The following BSCL2 variants were observed in gnomAD, a reference collection of about 807,000 sequenced individuals.
The protein encoded by BSCL2 is seipin.
Under a neutral mutation model 57.4 loss-of-function variants are expected in BSCL2, and 41 were observed. That is an observed-to-expected ratio of 0.71 (90% confidence interval 0.56 to 0.93). The LOEUF (loss-of-function observed/expected upper bound fraction) is 0.93. BSCL2 is among the 40% of genes least tolerant of loss of function. BSCL2 has a pLI of 0.00. For synonymous variants in BSCL2, 237 were observed against 227.3 expected, an observed-to-expected ratio of 1.04 and a Z score of -0.38; for missense variants, 539 against 586.7, an observed-to-expected ratio of 0.92 and a Z score of 0.84.
In BSCL2 at chr11:62,702,783, A is replaced by G. The variant is rs556451328; in HGVS notation, c.405-234T>C. Among the ~76,000 whole-genome samples the G allele has an allele frequency of 8.5e-5, 13 of 152,252 alleles. No individual in the cohort carries two copies. In the East Asian group the frequency reaches 2.5e-3, roughly 29 times the overall value. On this transcript the variant is annotated intron_variant, in intron 2 of 10. Coordinates refer to ENST00000360796, the MANE Select transcript of BSCL2 (RefSeq NM_001122955.4). Reference sequence around the variant, plus strand: ...TCCTCTCATTACAACAGATGTTCTTAGATGGGAATCTAGAGATACTTAAAT... The same window carrying G: ...TCCTCTCATTACAACAGATGTTCTTGGATGGGAATCTAGAGATACTTAAAT...
In BSCL2 at chr11:62,703,415, G is replaced by C. The variant is rs868258351; in HGVS notation, c.405-866C>G. Among the ~76,000 whole-genome samples the C allele has an allele frequency of 2.2e-5, 3 of 136,602 alleles. No homozygotes were observed. In the Admixed American group the frequency reaches 2.5e-4, roughly 11 times the overall value. 89.6% of individuals were successfully genotyped at this position (136,602 alleles called of 152,430 possible). On this transcript the variant is annotated intron_variant, in intron 2 of 10. Transcript: ENST00000360796. ...CGCCCAGGCTGGAGTGCAGTGGCACGATCTCGGCTCACTGCAAGCTCCGCT... is the reference window on the plus strand; with the variant it reads ...CGCCCAGGCTGGAGTGCAGTGGCACCATCTCGGCTCACTGCAAGCTCCGCT...
intron 1 of BSCL2, chr11:62,706,727 TCG>T: frequency 8.0e-6 from 4 of 499,244 alleles, no homozygotes; most frequent in South Asian, 6.2e-5. Flanking sequence ...GCGGGGGCAT[TCG>T]CCTAGAGCAT....
intron 3 of BSCL2, among the ~76,000 whole-genome samples, chr11:62,701,166 G>GGGTAGAT (rs1945626626): frequency 6.6e-6 from 1 of 152,066 alleles, no homozygotes; most frequent in African/African-American, 2.4e-5. Context: ...CAAAACTCTT[G>GGGTAGAT]GGTAGATGCC....
upstream of BSCL2, chr11:62,708,159 T>G (rs928276440): frequency 2.4e-4 from 167 of 695,430 alleles, 2 homozygotes; most frequent in Admixed American, 1.9e-4. Context: ...GACAGTCCAC[T>G]GGAGGAGGAG....
At chr11:62,700,032 T>C (rs1488013904) in intron 3 of BSCL2, among the ~76,000 whole-genome samples, 2 of 143,310 alleles carry the variant, frequency 1.4e-5, no homozygotes, top group African/African-American at 5.3e-5. Context: ...TTGAGCCTAG[T>C]AGTTTGAGAC....
At chr11:62,694,744 ATTT>A in intron 3 of BSCL2, 33 bp from the exon 4 acceptor site, 1 of 1,608,688 alleles carries the variant, frequency 6.2e-7, no homozygotes, top group Non-Finnish European at 8.5e-7. Flanking sequence ...CTTTAAAAAA[ATTT>A]TTTTGTTGAA....
chr11:62,709,023 G>A (rs2083588890), upstream of BSCL2: 3 of 546,092 alleles, frequency 5.5e-6, no homozygotes, highest in Non-Finnish European at 6.7e-6. Flanking sequence ...AGAGATATGA[G>A]GCACCCTTTG....
intron 3 of BSCL2, among the ~76,000 whole-genome samples, chr11:62,700,810 G>A (rs1466233550): frequency 6.6e-6 from 1 of 151,994 alleles, no homozygotes; most frequent in Admixed American, 6.6e-5. Context: ...AAAGTTAGCC[G>A]GGTGTGGTGG....
At chr11:62,691,199 C>T in intron 7 of BSCL2, 58 bp from the exon 8 acceptor site, 1 of 1,613,756 alleles carries the variant, frequency 6.2e-7, no homozygotes, top group Non-Finnish European at 8.5e-7. Context: ...ACAATCAGGA[C>T]CCTCATGCCT....
chr11:62,694,819 C>T, intron 3 of BSCL2, 108 bp from the exon 4 acceptor site: 1 of 1,351,662 alleles, frequency 7.4e-7, no homozygotes, highest in Non-Finnish European at 1.0e-6. Context: ...TACTCAGCCA[C>T]AACCCTCTTG....
intron 3 of BSCL2, among the ~76,000 whole-genome samples, chr11:62,699,598 T>TGGAA (rs1245590759): frequency 6.6e-6 from 1 of 151,748 alleles, no homozygotes; most frequent in East Asian, 1.9e-4. Flanking sequence ...CCCAGCAGTT[T>TGGAA]GGAAGGACCA....
intron 1 of BSCL2, 172 bp from the exon 2 acceptor site, chr11:62,705,789 C>G: frequency 1.5e-6 from 1 of 671,750 alleles, no homozygotes; most frequent in South Asian, 2.1e-5. Context: ...TACCCCTTCC[C>G]TTTCCTCCAC....
At chr11:62,698,613 C>T (rs1338719021) in intron 3 of BSCL2, among the ~76,000 whole-genome samples, 1 of 152,200 alleles carries the variant, frequency 6.6e-6, no homozygotes, top group Non-Finnish European at 1.5e-5. Flanking sequence ...TATAGCAAGC[C>T]GTTACACATA....
intron 7 of BSCL2, 53 bp from the exon 8 acceptor site, chr11:62,691,194 C>T (rs1565143392): frequency 6.2e-7 from 1 of 1,613,798 alleles, no homozygotes; most frequent in Non-Finnish European, 8.5e-7. Flanking sequence ...CACTAACAAT[C>T]AGGACCCTCA....
chr11:62,707,337 C>CG lies in BSCL2; in HGVS notation c.-143dup. ...AAATGGAGGGTCCCTGGGAGAGAAA[C>CG]GAAGATTCAGGTGCTAAGTGCTGTG... is the stretch of plus-strand genomic sequence containing the variant. On this transcript the variant is annotated 5_prime_UTR_variant, in exon 1 of 11. Coordinates refer to ENST00000360796, the MANE Select transcript of BSCL2 (RefSeq NM_001122955.4). The CG allele has an allele frequency of 1.2e-6, 1 of 800,308 alleles. No individual in the cohort carries two copies. 49.6% of individuals were successfully genotyped at this position (800,308 alleles called of 1,614,324 possible).
chr11:62,696,471 AAT>A (rs750552451), intron 3 of BSCL2, among the ~76,000 whole-genome samples: 285 of 146,936 alleles, frequency 1.9e-3, no homozygotes, highest in Middle Eastern at 3.5e-3. Flanking sequence ...TGCAACTAAA[AAT>A]TTTTTTTTTT....
At chr11:62,703,235 C>T (rs936411424) in intron 2 of BSCL2, among the ~76,000 whole-genome samples, 7 of 151,602 alleles carry the variant, frequency 4.6e-5, no homozygotes, top group East Asian at 1.9e-4. Context: ...TTTGAGAAAA[C>T]GCCTCCAAAA....
rs1945338781 is a variant in BSCL2 at position 62,692,487 on chromosome 11, G to A, written c.766-14C>T. 6.2e-7 allele frequency: 1 copy of A among 1,613,284 alleles called. No homozygotes were observed. Among genetic ancestry groups the A allele is most frequent in the Non-Finnish European group, 8.5e-7 (1 of 1,179,692 alleles). On this transcript the variant is annotated splice_polypyrimidine_tract_variant and intron_variant, in intron 5 of 10. Coordinates refer to ENST00000360796, the MANE Select transcript of BSCL2 (RefSeq NM_001122955.4). The stretch of plus-strand genomic sequence containing the variant: ...GGTCGGCACGTACTGTGAGGGGGTG[G>A]GGTGAGGGTGGCGTCAGGCCAGGGT...
At chr11:62,691,180 C>A (rs780091146) in intron 7 of BSCL2, 39 bp from the exon 8 acceptor site, 1 of 1,613,978 alleles carries the variant, frequency 6.2e-7, no homozygotes, top group Non-Finnish European at 8.5e-7. Context: ...GGACTGACTT[C>A]CCTCACTAAC....
Sources: gnomAD v4.1 joint callset for allele counts (sites outside exome capture counted in the v4.1 genomes callset) on GRCh38, gnomAD v4.1.1 for gene constraint, MANE v1.5 for transcripts, NCBI Gene and HGNC (gene_info 2026-07-23, HGNC 2026-07-21) for gene names.